Variants in PCDHGA2 observed in about 807,000 individuals in gnomAD.
The protein encoded by PCDHGA2 is protocadherin gamma-A2.
In PCDHGA2, 40 loss-of-function variants were observed where a neutral mutation model predicts 59.2. The observed-to-expected ratio is 0.68, with a 90% CI of 0.52 to 0.88. PCDHGA2 has a LOEUF of 0.88. Ranked by LOEUF, PCDHGA2 falls within the 40% of genes least tolerant of loss-of-function variation. The pLI is 0.00. For synonymous variants in PCDHGA2, 560 were observed against 526.0 expected (o/e 1.06, Z -0.89); for missense variants, 1,226 against 1,204.0 (o/e 1.02, Z -0.27).
rs770596172 is a variant in PCDHGA2, at chr5:141,487,664, G to A, written c.2425-7143G>A. ...AATGCTTGAGGGTTATTCTGATCCA[G>A]GCATATGGCTAGGCCATGTCCTAGA... On this transcript the variant is annotated intron_variant, in intron 1 of 3. Transcript: ENST00000394576. The surrounding 1 kb of genome is among the most constrained non-coding windows in gnomAD (Gnocchi z 5.0). 1.9e-5 allele frequency: 31 copies of A among 1,613,048 alleles called. No individual in the cohort carries two copies. The South Asian group carries it at 3.4e-4, about 18-fold the overall frequency.
At chr5:141,346,447 A>T in intron 1 of PCDHGA2, 1 of 1,614,268 alleles carries the variant, frequency 6.2e-7, no homozygotes, top group East Asian at 2.2e-5. Flanking sequence ...GGAGATTCCA[A>T]CCTACTTCAG....
intron 1 of PCDHGA2, chr5:141,433,010 C>A (rs1392666523): frequency 6.2e-7 from 1 of 1,614,178 alleles, no homozygotes. Flanking sequence ...GGCTTTCCTG[C>A]AGACCTATTC....
In PCDHGA2 at chr5:141,486,334, C is replaced by T; in HGVS notation, c.2425-8473C>T. 1.2e-6 allele frequency: 2 copies of T among 1,614,098 alleles called. No individual in the cohort carries two copies. ...CAGGGTCAAACGGAGATGTGAGCCT[C>T]CGCATTCCTGACCACTTGCCATTTG... On this transcript the variant is annotated intron_variant, in intron 1 of 3. Coordinates refer to ENST00000394576, the MANE Select transcript of PCDHGA2 (RefSeq NM_018915.4). This position sits in a 1 kb window ranked among gnomAD's most constrained non-coding sequence, Gnocchi z 5.0.
At chr5:141,370,526 C>G in intron 1 of PCDHGA2, 1 of 1,613,860 alleles carries the variant, frequency 6.2e-7, no homozygotes, top group Non-Finnish European at 8.5e-7. Flanking sequence ...TGGACAGGGG[C>G]TCGCTGGTAG....
At chr5:141,385,006 G>A (rs762264055) in intron 1 of PCDHGA2, 10 of 1,613,972 alleles carry the variant, frequency 6.2e-6, no homozygotes, top group East Asian at 2.2e-5. Context: ...AGTCTCCTGC[G>A]TCTTCCTAGC....
intron 2 of PCDHGA2, among the ~76,000 whole-genome samples, chr5:141,504,722 C>T (rs747319660): frequency 1.3e-5 from 2 of 151,828 alleles, no homozygotes; most frequent in Non-Finnish European, 2.9e-5. Context: ...GGATTTTACT[C>T]TGAGGGCTTA....
chr5:141,467,129 T>G (rs2099137740), intron 1 of PCDHGA2, among the ~76,000 whole-genome samples: 1 of 151,826 alleles, frequency 6.6e-6, no homozygotes, highest in Non-Finnish European at 1.5e-5. Context: ...CTCAGCTCAC[T>G]GCAACCTCTG....
rs749272977 is a variant in PCDHGA2, at chr5:141,340,315, C to G, written c.1344C>G (p.Asn448Lys). The change falls in exon 1 of 4, where the codon AAC becomes AAG. Residue 448 changes from asparagine to lysine, a missense_variant. Asn to Lys is a moderately conservative substitution (Grantham distance 94). Coordinates refer to ENST00000394576, the MANE Select transcript of PCDHGA2 (RefSeq NM_018915.4). ...TCCAGGTGGCAGACATCAACGACAA[C>G]GCACCCGCCTTCTCCCGCACATCCT... The part of the protein sequence containing the change: ...ILLQVADIND[N>K]APAFSRTSYS... The G allele has an allele frequency of 4.3e-6, 7 of 1,614,144 alleles. No individual in the cohort carries two copies. In the Admixed American group the frequency reaches 8.3e-5, roughly 19 times the overall value.
rs770630741 is a variant in PCDHGA2, at chr5:141,381,826, C to CTTTTT, written c.2424+40449_2424+40453dup. On this transcript the variant is annotated intron_variant, in intron 1 of 3. Coordinates refer to ENST00000394576, the MANE Select transcript of PCDHGA2 (RefSeq NM_018915.4). ...TTTCTTTCTTTCTTTCTTTCTTCTT[C>CTTTTT]TTTTTTTTTTTTTTTTTTTTTTGGC... Among the ~76,000 whole-genome samples, 477 of 74,206 alleles carry CTTTTT rather than the reference C, an allele frequency of 6.4e-3. 7 individuals are homozygous for CTTTTT. Among genetic ancestry groups the CTTTTT allele is most frequent in the African/African-American group, 7.2e-3 (117 of 16,174 alleles). The allele number at this position is 74,206 out of a possible 152,430, so 48.7% of individuals were successfully genotyped here.
intron 1 of PCDHGA2, chr5:141,384,066 C>T (rs754340033): frequency 1.6e-5 from 25 of 1,606,462 alleles, no homozygotes; most frequent in Non-Finnish European, 2.0e-5. Context: ...TTCCAGAAAA[C>T]CTACCTTTTA....
At chr5:141,483,361 A>G (rs752805137) in intron 1 of PCDHGA2, among the ~76,000 whole-genome samples, 1 of 152,102 alleles carries the variant, frequency 6.6e-6, no homozygotes, top group South Asian at 2.1e-4. Context: ...TTTGAAAGCT[A>G]TTGCAATATT....
intron 1 of PCDHGA2, chr5:141,394,121 T>G: frequency 6.2e-7 from 1 of 1,613,920 alleles, no homozygotes; most frequent in Non-Finnish European, 8.5e-7. Flanking sequence ...CCACTGAAAC[T>G]CAAATCGCTC....
intron 1 of PCDHGA2, chr5:141,360,132 G>A (rs1234276990): frequency 6.3e-7 from 1 of 1,589,922 alleles, no homozygotes; most frequent in Non-Finnish European, 8.6e-7. Flanking sequence ...AAGGGAGCCA[G>A]AAGATGAAAG....
intron 1 of PCDHGA2, chr5:141,418,060 A>G (rs2096216821): frequency 1.2e-6 from 2 of 1,613,850 alleles, no homozygotes; most frequent in Admixed American, 1.7e-5. Flanking sequence ...GCGAGCTGCG[A>G]GTGAGCGCGG....
intron 1 of PCDHGA2, chr5:141,389,158 G>C (rs774342496): frequency 5.6e-6 from 9 of 1,613,968 alleles, no homozygotes; most frequent in Non-Finnish European, 7.6e-6. Context: ...GCAACAGATC[G>C]GGGCAAGCCT....
chr5:141,364,182 A>G (rs1763205286), intron 1 of PCDHGA2: 1 of 942,924 alleles, frequency 1.1e-6, no homozygotes, highest in Non-Finnish European at 1.5e-6. Context: ...TGCTCCCTCC[A>G]TACTAAACAC....
At chr5:141,356,392 T>C (rs1760208975) in intron 1 of PCDHGA2, 1 of 1,577,696 alleles carries the variant, frequency 6.3e-7, no homozygotes, top group Non-Finnish European at 8.6e-7. Context: ...TGAAAAGACC[T>C]ATGGAAATTA....
chr5:141,491,500 G>A lies in PCDHGA2; in HGVS notation c.2425-3307G>A. ...CAGCCCCAACCTGCAGGTGAGCTCG[G>A]ACGGCACGCTCAAGTACATGGAGGT... On this transcript the variant is annotated intron_variant, in intron 1 of 3. Transcript: ENST00000394576. The surrounding 1 kb of genome is among the most constrained non-coding windows in gnomAD (Gnocchi z 6.9). 3 of 1,614,102 alleles carry A rather than the reference G, an allele frequency of 1.9e-6. No homozygotes were observed. The highest frequency in any genetic ancestry group is 2.7e-5 in the African/African-American group (2 of 75,066).
intron 1 of PCDHGA2, among the ~76,000 whole-genome samples, chr5:141,465,335 T>C (rs1222292569): frequency 6.6e-6 from 1 of 152,186 alleles, no homozygotes; most frequent in African/African-American, 2.4e-5. Context: ...ATTTTTTATA[T>C]TGGTTACTGA....
Sources: allele counts gnomAD v4.1 joint callset (sites outside exome capture counted in the v4.1 genomes callset), GRCh38; gene constraint gnomAD v4.1.1; non-coding constraint Gnocchi (gnomAD v3.1); transcripts MANE v1.5; gene names NCBI Gene and HGNC (gene_info 2026-07-23, HGNC 2026-07-21).